Variants in CSTPP1 observed in about 807,000 individuals in gnomAD.
The protein encoded by CSTPP1 is centriolar satellite-associated tubulin polyglutamylase complex regulator 1, also known as UPF0705 protein C11orf49.
the CSTPP1 span, among the ~76,000 whole-genome samples, chr11:47,109,830 T>C: frequency 1.3e-5 from 2 of 152,234 alleles, no homozygotes; most frequent in African/African-American, 4.8e-5. Context: ...CTAGGCATCA[T>C]AGAGCAATTT....
At chr11:47,141,784 T>C in the CSTPP1 span, among the ~76,000 whole-genome samples, 1 of 151,338 alleles carries the variant, frequency 6.6e-6, no homozygotes, top group Non-Finnish European at 1.5e-5. Flanking sequence ...AATACAAAAC[T>C]TAGCTGGGCA....
chr11:47,022,017 C>T, the CSTPP1 span, among the ~76,000 whole-genome samples: 1 of 151,404 alleles, frequency 6.6e-6, no homozygotes, highest in Non-Finnish European at 1.5e-5. Context: ...CTACCTTGGT[C>T]TCTCAGCCAC....
chr11:47,075,926 C>CAAAA, the CSTPP1 span, among the ~76,000 whole-genome samples: 5 of 35,802 alleles, frequency 1.4e-4, no homozygotes, highest in Admixed American at 4.1e-4. Context: ...GATTCATTCT[C>CAAAA]AAAAAAAAAA....
chr11:47,127,882 T>G, the CSTPP1 span, among the ~76,000 whole-genome samples: 9 of 152,092 alleles, frequency 5.9e-5, no homozygotes, highest in Middle Eastern at 6.8e-3. Context: ...TATTATTATT[T>G]TTTTTTTGAG....
At chr11:47,006,756 T>A in the CSTPP1 span, among the ~76,000 whole-genome samples, 2 of 91,382 alleles carry the variant, frequency 2.2e-5, no homozygotes, top group Non-Finnish European at 4.8e-5. Flanking sequence ...ACTCAGCTAA[T>A]TTTTTTTTTT....
chr11:47,118,164 C>T, the CSTPP1 span, among the ~76,000 whole-genome samples: 1 of 152,172 alleles, frequency 6.6e-6, no homozygotes, highest in African/African-American at 2.4e-5. Context: ...AGGTGTGAGC[C>T]ACCGCGCCTG....
chr11:47,032,946 G>T, the CSTPP1 span, among the ~76,000 whole-genome samples: 1 of 152,100 alleles, frequency 6.6e-6, no homozygotes, highest in Admixed American at 6.6e-5. Context: ...CACATACCTT[G>T]TATATGTATT....
At chr11:47,135,191 A>T in the CSTPP1 span, among the ~76,000 whole-genome samples, 1 of 152,162 alleles carries the variant, frequency 6.6e-6, no homozygotes, top group African/African-American at 2.4e-5. Flanking sequence ...TCTCACCTCC[A>T]GAATTTGAAA....
At chr11:46,954,645 G>T in the CSTPP1 span, among the ~76,000 whole-genome samples, 2 of 152,108 alleles carry the variant, frequency 1.3e-5, no homozygotes, top group African/African-American at 4.8e-5. Context: ...AAAGTTCAAA[G>T]AATTGCTGGA....
the CSTPP1 span, among the ~76,000 whole-genome samples, chr11:47,078,856 T>C: frequency 6.6e-6 from 1 of 152,130 alleles, no homozygotes; most frequent in Non-Finnish European, 1.5e-5. Context: ...TAAAAGGAGA[T>C]GACTAAAATG....
chr11:47,048,182 CT>C, the CSTPP1 span, among the ~76,000 whole-genome samples: 1 of 152,128 alleles, frequency 6.6e-6, no homozygotes, highest in Non-Finnish European at 1.5e-5. Flanking sequence ...AAAGAAGGAA[CT>C]GAAACAGATA....
the CSTPP1 span, among the ~76,000 whole-genome samples, chr11:46,937,113 G>T: frequency 1.3e-5 from 2 of 152,202 alleles, no homozygotes; most frequent in African/African-American, 4.8e-5. Flanking sequence ...TGGCGTTGAG[G>T]ATTTGGGGCC....
At chr11:47,002,978 A>G in the CSTPP1 span, among the ~76,000 whole-genome samples, 1 of 152,276 alleles carries the variant, frequency 6.6e-6, no homozygotes, top group East Asian at 1.9e-4. Context: ...TTAATTAACA[A>G]GTGTTATGCC....
At chr11:47,161,085 A>G in the CSTPP1 span, 1 of 1,612,600 alleles carries the variant, frequency 6.2e-7, no homozygotes, top group South Asian at 1.1e-5. Flanking sequence ...GCCTGGCTGA[A>G]GGGCCCTCAG....
chr11:46,949,119 TTGTAAATAGAAAACAC>T, the CSTPP1 span, among the ~76,000 whole-genome samples: 6 of 152,204 alleles, frequency 3.9e-5, no homozygotes, highest in Admixed American at 2.0e-4. Context: ...GGAAGGTATT[TTGTAAATAGAAAACAC>T]TGTTATTATT....
chr11:47,039,379 C>T, the CSTPP1 span, among the ~76,000 whole-genome samples: 2 of 127,664 alleles, frequency 1.6e-5, no homozygotes. Context: ...GGCGCGCGCC[C>T]AGGCAGTTGG....
chr11:47,049,478 A>T, the CSTPP1 span, among the ~76,000 whole-genome samples: 2 of 151,650 alleles, frequency 1.3e-5, no homozygotes, highest in Non-Finnish European at 2.9e-5. Flanking sequence ...CTCTACTAAA[A>T]ATCCAAAAAA....
chr11:46,968,525 T>C, the CSTPP1 span, among the ~76,000 whole-genome samples: 1 of 151,270 alleles, frequency 6.6e-6, no homozygotes, highest in East Asian at 1.9e-4. Flanking sequence ...AGGAGCACAT[T>C]AGTAGACATT....
chr11:47,104,332 T>C, the CSTPP1 span, among the ~76,000 whole-genome samples: 2 of 152,160 alleles, frequency 1.3e-5, no homozygotes, highest in Non-Finnish European at 2.9e-5. Flanking sequence ...ACATTGTCCT[T>C]TTCTTAGTTC....
Sources: allele counts gnomAD v4.1 joint callset (sites outside exome capture counted in the v4.1 genomes callset), GRCh38; gene constraint gnomAD v4.1.1; transcripts MANE v1.5; gene names NCBI Gene and HGNC (gene_info 2026-07-23, HGNC 2026-07-21).